The following PTPRR variants were observed in gnomAD, a reference collection of about 807,000 sequenced individuals.
The protein encoded by PTPRR is protein tyrosine phosphatase receptor type R.
Under a neutral mutation model 77.2 loss-of-function variants are expected in PTPRR, and 38 were observed. The observed-to-expected ratio is 0.49, with a 90% confidence interval of 0.38 to 0.65. PTPRR has a LOEUF of 0.65. Ranked by LOEUF, PTPRR falls within the 30% of genes least tolerant of loss-of-function variation. The pLI, the probability that PTPRR is intolerant of heterozygous loss-of-function variation, is 0.00. For missense variants in PTPRR, 744 were observed against 799.2 expected (o/e 0.93, Z 0.83); for synonymous variants, 299 against 283.1 (o/e 1.06, Z -0.57).
chr12:70,837,831 T>G (rs1235578492), intron 2 of PTPRR, among the ~76,000 whole-genome samples: 2 of 152,086 alleles, frequency 1.3e-5, no homozygotes, highest in Non-Finnish European at 2.9e-5. Flanking sequence ...GTCCCAATCC[T>G]CTAATCCTGC....
chr12:70,760,246 T>C (rs936763707), intron 4 of PTPRR, among the ~76,000 whole-genome samples: 1 of 152,210 alleles, frequency 6.6e-6, no homozygotes. Flanking sequence ...TCAGGGAGGT[T>C]GATACCATGC....
chr12:70,723,551 A>G (rs1309290817), intron 6 of PTPRR, among the ~76,000 whole-genome samples: 1 of 152,148 alleles, frequency 6.6e-6, no homozygotes, highest in Non-Finnish European at 1.5e-5. Context: ...ATCTTGAATT[A>G]TAGCTTTTAA....
chr12:70,774,526 G>GCCC (rs1490594158), intron 2 of PTPRR, among the ~76,000 whole-genome samples: 172 of 152,346 alleles, frequency 1.1e-3, no homozygotes, highest in African/African-American at 3.9e-3. Context: ...CAACTATAGT[G>GCCC]AAGAAGTGAG....
At chr12:70,919,780 T>C (rs1315295487) in intron 1 of PTPRR, among the ~76,000 whole-genome samples, 3 of 151,312 alleles carry the variant, frequency 2.0e-5, no homozygotes, top group Non-Finnish European at 2.9e-5. Flanking sequence ...CTTCCTCTTA[T>C]TGGCTTAGAA....
chr12:70,768,249 A>C (rs1592745439), intron 2 of PTPRR, among the ~76,000 whole-genome samples: 1 of 152,208 alleles, frequency 6.6e-6, no homozygotes, highest in Non-Finnish European at 1.5e-5. Flanking sequence ...AAGGATCAAC[A>C]AAATTGATAG....
intron 2 of PTPRR, among the ~76,000 whole-genome samples, chr12:70,801,511 G>A (rs562123360): frequency 5.3e-5 from 8 of 152,294 alleles, no homozygotes; most frequent in African/African-American, 1.4e-4. Flanking sequence ...TAGGTACACC[G>A]GTTTTCTCCC....
At chr12:70,747,783 G>T (rs1007826421) in intron 5 of PTPRR, among the ~76,000 whole-genome samples, 9 of 152,132 alleles carry the variant, frequency 5.9e-5, no homozygotes, top group African/African-American at 2.2e-4. Context: ...GTAGAACCTG[G>T]AGAATGTATG....
Position 70,761,478 on chromosome 12 carries a change from G to C in PTPRR, c.620C>G (p.Ser207Cys). 1 of 1,604,924 alleles carries C rather than the reference G, an allele frequency of 6.2e-7. No homozygotes were observed. The highest frequency in any genetic ancestry group is 1.7e-5 in the Admixed American group (1 of 58,294). Residue 207 changes from serine to cysteine, a missense_variant, in exon 4 of 14, where the codon TCT becomes TGT. Ser to Cys is a moderately radical substitution (Grantham distance 112). Transcript: ENST00000283228. ...SLSQFGITEV[S>C]PEKNVLQGQH... ...TTTCGTGCAACAACATACCTCAGGA[G>C]AGACTTCTGTAATTCCAAACTGGGA...
intron 4 of PTPRR, among the ~76,000 whole-genome samples, chr12:70,755,012 AG>A (rs1890527112): frequency 6.6e-6 from 1 of 152,200 alleles, no homozygotes; most frequent in African/African-American, 2.4e-5. Flanking sequence ...GGGGTGGAAG[AG>A]CAGAGAAGAA....
rs568955757 is a variant in PTPRR at position 70,765,653 on chromosome 12, G to C, written c.358-875C>G. On this transcript the variant is annotated intron_variant, in intron 2 of 13. Coordinates refer to ENST00000283228, the MANE Select transcript of PTPRR (RefSeq NM_002849.4). The stretch of plus-strand genomic sequence containing the variant: ...TGTCCCTGTCTGAGAGCTTTGAAGA[G>C]AGCAGTGGTTCTCCCAGCATGCAGC... Among the ~76,000 whole-genome samples, 75 of 152,288 alleles carry C rather than the reference G, an allele frequency of 4.9e-4. No homozygotes were observed. The South Asian group carries it at 0.013, about 26-fold the overall frequency.
chr12:70,784,181 G>T (rs1373369673), intron 2 of PTPRR, among the ~76,000 whole-genome samples: 1 of 152,178 alleles, frequency 6.6e-6, no homozygotes, highest in Admixed American at 6.5e-5. Flanking sequence ...CCAGGAGGGC[G>T]GGGCTTCTGC....
intron 2 of PTPRR, among the ~76,000 whole-genome samples, chr12:70,887,509 T>TA (rs1565730953): frequency 6.6e-6 from 1 of 152,032 alleles, no homozygotes; most frequent in Non-Finnish European, 1.5e-5. Flanking sequence ...CAGGTTGAAG[T>TA]AAAAAAATGC....
chr12:70,733,352 G>A (rs1229542407), intron 6 of PTPRR, among the ~76,000 whole-genome samples: 1 of 144,562 alleles, frequency 6.9e-6, no homozygotes, highest in Admixed American at 7.0e-5. Flanking sequence ...GTTTTCTAAG[G>A]TATATACCAA....
intron 2 of PTPRR, among the ~76,000 whole-genome samples, chr12:70,779,674 G>A (rs1891162051): frequency 6.6e-6 from 1 of 152,160 alleles, no homozygotes; most frequent in Admixed American, 6.5e-5. Context: ...ACCCAAAACA[G>A]TGCCTGGCAC....
At chr12:70,829,249 G>GAAAT (rs71895366) in intron 2 of PTPRR, among the ~76,000 whole-genome samples, 21,454 of 149,026 alleles carry the variant, frequency 0.14, 1,763 homozygotes, top group African/African-American at 0.22. Context: ...GAAGGAAAGA[G>GAAAT]AAATAAATAA....
At chr12:70,894,404 C>T (rs1042415721) in intron 1 of PTPRR, among the ~76,000 whole-genome samples, 28 of 151,614 alleles carry the variant, frequency 1.8e-4, no homozygotes, top group Non-Finnish European at 8.9e-5. Flanking sequence ...TTTCCCAAAG[C>T]ACAGAATCAC....
At chr12:70,700,672 C>T (rs1888389060) in intron 7 of PTPRR, among the ~76,000 whole-genome samples, 1 of 152,136 alleles carries the variant, frequency 6.6e-6, no homozygotes, top group African/African-American at 2.4e-5. Context: ...TAAACTGCTC[C>T]CTTTTAGTGC....
intron 10 of PTPRR, among the ~76,000 whole-genome samples, chr12:70,680,811 T>C (rs1446744897): frequency 1.3e-5 from 2 of 152,128 alleles, no homozygotes; most frequent in Non-Finnish European, 2.9e-5. Context: ...TGCGGACAGG[T>C]CTGCCAGCTC....
intron 8 of PTPRR, among the ~76,000 whole-genome samples, chr12:70,690,740 G>A (rs1888027166): frequency 6.6e-6 from 1 of 152,196 alleles, no homozygotes. Context: ...GATTCGTTTA[G>A]TGCTAGCAAC....
Sources: gnomAD v4.1 joint callset for allele counts (sites outside exome capture counted in the v4.1 genomes callset) on GRCh38, gnomAD v4.1.1 for gene constraint, MANE v1.5 for transcripts, NCBI Gene and HGNC (gene_info 2026-07-23, HGNC 2026-07-21) for gene names.